TTN: variants seen among roughly 807,000 people sequenced by gnomAD.
The protein encoded by TTN is connectin.
In TTN, 1,525 loss-of-function variants were observed where a neutral mutation model predicts 3,223.0. That is an observed-to-expected ratio of 0.47 (90% CI 0.45 to 0.49). The LOEUF (loss-of-function observed/expected upper bound fraction) is 0.49. Among genes scored for constraint, TTN ranks in the 20% least tolerant of loss-of-function variants. The pLI is 0.00. For synonymous variants in TTN, 14,094 were observed against 15,161.0 expected (o/e 0.93, Z 5.17); for missense variants, 40,786 against 43,424.0 (o/e 0.94, Z 5.40).
Position 178,610,108 on chromosome 2 carries a change from T to C in TTN, c.51418A>G (p.Ile17140Val), listed in dbSNP as rs1457519537. ...GEYIELKNPV[I>V]AQDPKQPPDP... ...AACTTACGCTTTGGATCTTGAGCAA[T>C]GACTGGATTTTTCAGTTCAATATAT... is the stretch of plus-strand genomic sequence containing the variant. The change falls in exon 271 of 363, where the codon ATT (isoleucine) becomes GTT (valine). Residue 17140 changes from isoleucine to valine, a missense_variant. Ile to Val is a conservative substitution (Grantham distance 29). Transcript: ENST00000589042. 6.2e-7 allele frequency: 1 copy of C among 1,612,844 alleles called. No individual in the cohort carries two copies. The highest frequency in any genetic ancestry group is 1.1e-5 in the South Asian group (1 of 91,052).
In TTN at chr2:178,541,317, C is replaced by T. The variant is rs55704830; in HGVS notation, c.97760G>A (p.Arg32587His). 4,212 of 1,546,330 alleles carry T rather than the reference C, an allele frequency of 2.7e-3. 5 individuals carry two copies. The highest frequency in any genetic ancestry group is 4.5e-3 in the African/African-American group (335 of 73,756). Reference sequence around the variant, plus strand: ...CATGGCAACGATGGGTTTGGAAGGACGACTTGGTTTCCCAGACCCTCTTGC... The same window carrying T: ...CATGGCAACGATGGGTTTGGAAGGATGACTTGGTTTCCCAGACCCTCTTGC... The part of the protein sequence containing the change: ...INARGSGKPS[R>H]PSKPIVAMDP... The change falls in exon 350 of 363, where the codon CGT becomes CAT. Residue 32587 changes from arginine to histidine, a missense_variant. Arg to His is a conservative substitution (Grantham distance 29). Coordinates refer to ENST00000589042, the MANE Select transcript of TTN (RefSeq NM_001267550.2).
At chr2:178,694,399 A>T in intron 117 of TTN, 200 bp downstream of exon 117, 1 of 481,224 alleles carries the variant, frequency 2.1e-6, no homozygotes, top group Non-Finnish European at 3.7e-6. Context: ...TGTAATTTTT[A>T]AGCAGAACTA....
chr2:178,571,106 G>A lies in TTN; in HGVS notation c.75026C>T (p.Pro25009Leu), dbSNP rs1474848898. The A allele has an allele frequency of 1.2e-6, 2 of 1,613,452 alleles. No homozygotes were observed. Among genetic ancestry groups the A allele is most frequent in the South Asian group, 2.2e-5 (2 of 91,066 alleles). ...AATGATTGCCTCTGGCCGTCCTGGT[G>A]GATCACATGGGTCACGAGCCACATA... is the stretch of plus-strand genomic sequence containing the variant. Reference protein sequence around the residue: ...ECYVARDPCDPPGRPEAIIVT... With the variant: ...ECYVARDPCDLPGRPEAIIVT... The change falls in exon 326 of 363, where the codon CCA becomes CTA. Residue 25009 changes from proline (P) to leucine (L), a missense_variant. By Grantham distance (98) the Pro-to-Leu change is moderately conservative. Transcript: ENST00000589042.
chr2:178,712,856 T>A lies in TTN; in HGVS notation c.27169A>T (p.Ser9057Cys). The A allele has an allele frequency of 6.2e-7, 1 of 1,613,800 alleles. No homozygotes were observed. Among genetic ancestry groups the A allele is most frequent in the East Asian group, 2.2e-5 (1 of 44,860 alleles). ...PFSVSWFKGS[S>C]ELVPGDRCNV... The stretch of plus-strand genomic sequence containing the variant: ...CATCTGTCACCTGGTACTAGTTCAC[T>A]GCTACCTTTGAACCAGCTAACACTG... The change falls in exon 94 of 363, where the codon AGT becomes TGT. Residue 9057 changes from serine (S) to cysteine (C), a missense_variant. Transcript: ENST00000589042.
chr2:178,671,755 A>T (rs1203917964), intron 155 of TTN, among the ~76,000 whole-genome samples: 1 of 151,452 alleles, frequency 6.6e-6, no homozygotes, highest in Non-Finnish European at 1.5e-5. Flanking sequence ...TCATACAGTG[A>T]CCTCCTTAGA....
In TTN at chr2:178,539,021, T is replaced by C; in HGVS notation, c.98914A>G (p.Ile32972Val). ...AGGCCAACATCATTCTGTGCGATGA[T>C]GCGGAACTGATACTCAGCATCGGGA... ...LVPDAEYQFR[I>V]IAQNDVGLSE... Residue 32972 changes from isoleucine (I) to valine (V), a missense_variant, in exon 353 of 363, where the codon ATC becomes GTC. By Grantham distance (29) the Ile-to-Val change is conservative (BLOSUM62 3). Coordinates refer to ENST00000589042, the MANE Select transcript of TTN (RefSeq NM_001267550.2). 2 of 1,613,792 alleles carry C rather than the reference T, an allele frequency of 1.2e-6. No individual in the cohort carries two copies. The highest frequency in any genetic ancestry group is 1.7e-6 in the Non-Finnish European group (2 of 1,179,732).
At position 178,554,656 on chromosome 2, in the gene TTN, G is replaced by C; in HGVS notation, c.88691C>G (p.Ala29564Gly). Residue 29564 changes from alanine to glycine, a missense_variant, in exon 332 of 363, where the codon GCA becomes GGA. By Grantham distance (60) the Ala-to-Gly change is moderately conservative. Transcript: ENST00000589042. Reference protein sequence around the residue: ...LWRPPADDGGAKITHYIVEKR... With the variant: ...LWRPPADDGGGKITHYIVEKR... ...TTCCACAATGTAGTGAGTGATTTTTGCACCACCATCATCAGCTGGAGGCCG... is the reference window on the plus strand; with the variant it reads ...TTCCACAATGTAGTGAGTGATTTTTCCACCACCATCATCAGCTGGAGGCCG... The C allele has an allele frequency of 6.2e-7, 1 of 1,613,868 alleles. No homozygotes were observed. Among genetic ancestry groups the C allele is most frequent in the Middle Eastern group, 1.7e-4 (1 of 6,060 alleles).
At chr2:178,787,082 T>G (rs2093237027) in intron 13 of TTN, among the ~76,000 whole-genome samples, 1 of 151,152 alleles carries the variant, frequency 6.6e-6, no homozygotes, top group South Asian at 2.1e-4. Flanking sequence ...ATTTTAAAAG[T>G]GCATTTTAAA....
chr2:178,536,419 G>C lies in TTN; in HGVS notation c.100328C>G (p.Thr33443Arg). 1 of 1,613,496 alleles carries C rather than the reference G, an allele frequency of 6.2e-7. No individual in the cohort carries two copies. The highest frequency in any genetic ancestry group is 8.5e-7 in the Non-Finnish European group (1 of 1,179,650). ...EKKQNKWISV[T>R]TEEIRETVFS... is the part of the protein sequence containing the mutation. ...GACAGTTTCTCGAATTTCTTCTGTT[G>C]TCACAGAAATCCATTTATTCTGCTT... is the stretch of plus-strand genomic sequence containing the variant. The change falls in exon 357 of 363, where the codon ACA (threonine) becomes AGA (arginine). Residue 33443 changes from threonine to arginine, a missense_variant. Coordinates refer to ENST00000589042, the MANE Select transcript of TTN (RefSeq NM_001267550.2).
chr2:178,713,914 G>A lies in TTN; in HGVS notation c.26744C>T (p.Ala8915Val). The A allele has an allele frequency of 1.2e-6, 2 of 1,613,288 alleles. No homozygotes were observed. Among genetic ancestry groups the A allele is most frequent in the Non-Finnish European group, 1.7e-6 (2 of 1,179,446 alleles). Reference protein sequence around the residue: ...QNPVGKDSCTASLQVSDRTVP... With the variant: ...QNPVGKDSCTVSLQVSDRTVP... ...CAACCAACCTGAAACCTGCAATGAAGCTGTGCAGCTGTCTTTGCCAACAGG... is the reference window on the plus strand; with the variant it reads ...CAACCAACCTGAAACCTGCAATGAAACTGTGCAGCTGTCTTTGCCAACAGG... The change falls in exon 92 of 363, where the codon GCT (alanine) becomes GTT (valine). Residue 8915 changes from alanine to valine, a missense_variant. By Grantham distance (64) the Ala-to-Val change is moderately conservative. Coordinates refer to ENST00000589042, the MANE Select transcript of TTN (RefSeq NM_001267550.2).
In TTN at chr2:178,571,732, G is replaced by C; in HGVS notation, c.74400C>G (p.Thr24800=). Reference sequence around the variant, plus strand: ...GTTTGTCAAGAACGATAACATTAAGGGTTTCAATAGCTTCACCAGCTGAGT... The same window carrying C: ...GTTTGTCAAGAACGATAACATTAAGCGTTTCAATAGCTTCACCAGCTGAGT... ...LTNSAGEAIE[T]LNVIVLDKPG... Residue 24800 remains threonine, a synonymous_variant, in exon 326 of 363, where the codon ACC becomes ACG. Transcript: ENST00000589042. 1 of 1,613,358 alleles carries C rather than the reference G, an allele frequency of 6.2e-7. No individual in the cohort carries two copies. The highest frequency in any genetic ancestry group is 1.3e-5 in the African/African-American group (1 of 74,970).
Position 178,617,213 on chromosome 2 carries a change from T to G in TTN, c.47782A>C (p.Asn15928His), listed in dbSNP as rs1442489406. Residue 15928 changes from asparagine (N) to histidine (H), a missense_variant, in exon 255 of 363, where the codon AAT becomes CAT. Transcript: ENST00000589042. ...TYKVTGLEKG[N>H]KYLYRVSAEN... ...GCAGATACTCTATATAAATATTTATTTCCTTTTTCCAATCCGGTAACCTAC... is the reference window on the plus strand; with the variant it reads ...GCAGATACTCTATATAAATATTTATGTCCTTTTTCCAATCCGGTAACCTAC... 1 of 1,552,548 alleles carries G rather than the reference T, an allele frequency of 6.4e-7. No homozygotes were observed. Among genetic ancestry groups the G allele is most frequent in the Admixed American group, 2.0e-5 (1 of 49,280 alleles).
chr2:178,753,931 G>T (rs2086264653), intron 46 of TTN: 1 of 152,032 alleles, frequency 6.6e-6, no homozygotes, highest in South Asian at 2.1e-4. Context: ...TTTAATTTGT[G>T]ACTCTCTGAG....
At position 178,540,376 on chromosome 2, in the gene TTN, A is replaced by G; in HGVS notation, c.97796-6T>C. ...TTGTGGCTTTCCTGGAGGAGCTGAG[A>G]ATAAGAATAAGAATATACTGGTTAA... On this transcript the variant is annotated splice_region_variant and splice_polypyrimidine_tract_variant and intron_variant, in intron 350 of 362. Transcript: ENST00000589042. The G allele has an allele frequency of 6.2e-7, 1 of 1,603,810 alleles. No individual in the cohort carries two copies. Among genetic ancestry groups the G allele is most frequent in the Non-Finnish European group, 8.5e-7 (1 of 1,174,278 alleles).
chr2:178,747,826 T>G (rs774462630), intron 47 of TTN: 2 of 1,612,826 alleles, frequency 1.2e-6, no homozygotes, highest in East Asian at 2.2e-5. Context: ...CTTCATAACA[T>G]TTTTCTTCTC....
chr2:178,759,294 T>C (rs1409892201), intron 43 of TTN, 122 bp from the exon 44 acceptor site: 1 of 974,186 alleles, frequency 1.0e-6, no homozygotes, highest in Admixed American at 2.0e-5. Context: ...AATAACATGA[T>C]ACTTTTCTCT....
chr2:178,563,083 C>T lies in TTN; in HGVS notation c.83049G>A (p.Lys27683=), dbSNP rs373522006. 11 of 1,613,624 alleles carry T rather than the reference C, an allele frequency of 6.8e-6. No homozygotes were observed. The highest frequency in any genetic ancestry group is 1.3e-5 in the African/African-American group (1 of 74,880). Residue 27683 remains lysine (K), a synonymous_variant, in exon 326 of 363, where the codon AAG becomes AAA. Coordinates refer to ENST00000589042, the MANE Select transcript of TTN (RefSeq NM_001267550.2). This position sits in a 1 kb window ranked among gnomAD's most constrained non-coding sequence, Gnocchi z 4.5. ...PEIELDADLR[K]VVVLRASATL... ...TAGCACTTGCACGCAGAACGACCAC[C>T]TTTCTGAGATCAGCATCGAGTTCTA...
In TTN at chr2:178,695,342, A is replaced by G. The variant is rs909190372; in HGVS notation, c.31270+6T>C. The G allele has an allele frequency of 1.9e-6, 3 of 1,608,700 alleles. No homozygotes were observed. Among genetic ancestry groups the G allele is most frequent in the Admixed American group, 1.7e-5 (1 of 59,908 alleles). On this transcript the variant is annotated splice_donor_region_variant and intron_variant, in intron 115 of 362. Transcript: ENST00000589042. ...CTAGTCTATTTAAATATTTCTAATT[A>G]CTTACCTTTAGGAGGTGGTGGTGCT...
chr2:178,717,847 G>A, intron 86 of TTN, 37 bp from the exon 87 acceptor site: 1 of 1,581,004 alleles, frequency 6.3e-7, no homozygotes, highest in South Asian at 1.2e-5. Flanking sequence ...ATTTACAGGT[G>A]AGAAGGCATC....
Sources: gnomAD v4.1 joint callset for allele counts (sites outside exome capture counted in the v4.1 genomes callset) on GRCh38, gnomAD v4.1.1 for gene constraint, Gnocchi (gnomAD v3.1) non-coding constraint, MANE v1.5 for transcripts, NCBI Gene and HGNC (gene_info 2026-07-23, HGNC 2026-07-21) for gene names.